Variants in TMEFF2 observed in about 807,000 individuals in gnomAD.
The protein encoded by TMEFF2 is tomoregulin-2.
TMEFF2 carries 28 observed loss-of-function variants against 53.8 expected under a neutral mutation model. That is an observed-to-expected ratio of 0.52 (90% CI 0.39 to 0.71). TMEFF2 has a LOEUF of 0.71. TMEFF2 is among the 30% of genes least tolerant of loss of function. The pLI, the probability that TMEFF2 is intolerant of heterozygous loss-of-function variation, is 0.00. For missense variants in TMEFF2, 353 were observed against 455.2 expected (o/e 0.78, Z 2.04); for synonymous variants, 162 against 166.3 (o/e 0.97, Z 0.20).
At position 192,024,933 on chromosome 2, in the gene TMEFF2, A is replaced by G. The variant is rs371531063; in HGVS notation, c.537-25725T>C. Among the ~76,000 whole-genome samples, 19 of 152,316 alleles carry G rather than the reference A, an allele frequency of 1.2e-4. 1 individual carries two copies. Among genetic ancestry groups the G allele is most frequent in the African/African-American group, 4.3e-4 (18 of 41,592 alleles). On this transcript the variant is annotated intron_variant, in intron 5 of 9. Transcript: ENST00000272771. ...TAATTTCCTATAACCACAGGGAGCC[A>G]GAGTTGGCTGGTTGGCCAGGAGAAA...
intron 4 of TMEFF2, among the ~76,000 whole-genome samples, chr2:192,156,622 C>T (rs1461783455): frequency 6.6e-6 from 1 of 151,986 alleles, no homozygotes; most frequent in Non-Finnish European, 1.5e-5. Flanking sequence ...CAGGGTATAT[C>T]ACCAGTAACA....
intron 4 of TMEFF2, chr2:192,178,032 AAG>A (rs1381430228): frequency 7.3e-5 from 11 of 151,036 alleles, no homozygotes; most frequent in Non-Finnish European, 1.3e-4. Context: ...CTTTAACAGA[AAG>A]AGAAATGAAG....
chr2:191,969,424 C>G (rs1692568803), intron 7 of TMEFF2, among the ~76,000 whole-genome samples: 1 of 151,994 alleles, frequency 6.6e-6, no homozygotes, highest in Non-Finnish European at 1.5e-5. Context: ...GCAGAGAAGT[C>G]TACTCAATAG....
intron 4 of TMEFF2, among the ~76,000 whole-genome samples, chr2:192,176,503 A>G (rs1691048414): frequency 6.6e-6 from 1 of 151,294 alleles, no homozygotes; most frequent in African/African-American, 2.4e-5. Flanking sequence ...TTACTCTACA[A>G]ATTTCCTTTA....
intron 4 of TMEFF2, among the ~76,000 whole-genome samples, chr2:192,066,653 A>G (rs1688175311): frequency 6.6e-6 from 1 of 151,844 alleles, no homozygotes; most frequent in Admixed American, 6.6e-5. Flanking sequence ...GGACAATTCT[A>G]TTATCATCTA....
At chr2:192,134,865 T>G (rs549864116) in intron 4 of TMEFF2, among the ~76,000 whole-genome samples, 4 of 152,274 alleles carry the variant, frequency 2.6e-5, no homozygotes, top group East Asian at 1.9e-4. Context: ...CAGCCAAGCA[T>G]TTTTTCAGGC....
chr2:192,033,559 C>T (rs1325493529), intron 5 of TMEFF2, among the ~76,000 whole-genome samples: 2 of 142,482 alleles, frequency 1.4e-5, no homozygotes, highest in African/African-American at 2.6e-5. Context: ...CCTGTGCTCT[C>T]TCAAAATACC....
intron 4 of TMEFF2, among the ~76,000 whole-genome samples, chr2:192,133,234 T>C (rs1689902556): frequency 6.6e-6 from 1 of 152,154 alleles, no homozygotes; most frequent in Admixed American, 6.6e-5. Context: ...TACAGCTGCA[T>C]CTCATTGCCG....
intron 4 of TMEFF2, among the ~76,000 whole-genome samples, chr2:192,107,863 T>G (rs1689186017): frequency 6.6e-6 from 1 of 151,710 alleles, no homozygotes. Flanking sequence ...AAATGGGAAA[T>G]TAAAAGGTCA....
At chr2:192,107,655 T>C (rs767179065) in intron 4 of TMEFF2, among the ~76,000 whole-genome samples, 40 of 151,900 alleles carry the variant, frequency 2.6e-4, no homozygotes, top group Non-Finnish European at 4.9e-4. Context: ...GGAAAATGTA[T>C]ATGCATTCAC....
At chr2:192,054,584 C>T (rs1687856765) in intron 5 of TMEFF2, among the ~76,000 whole-genome samples, 1 of 152,134 alleles carries the variant, frequency 6.6e-6, no homozygotes, top group Admixed American at 6.6e-5. Flanking sequence ...TAACCCCCTG[C>T]TTGCCTGGAT....
intron 5 of TMEFF2, among the ~76,000 whole-genome samples, chr2:192,045,479 T>C (rs1342504759): frequency 6.6e-6 from 1 of 152,126 alleles, no homozygotes; most frequent in Non-Finnish European, 1.5e-5. Flanking sequence ...ATGTAAATAT[T>C]TACAAAAGGA....
chr2:192,069,091 T>C (rs1212959358), intron 4 of TMEFF2, among the ~76,000 whole-genome samples: 1 of 151,662 alleles, frequency 6.6e-6, no homozygotes, highest in Non-Finnish European at 1.5e-5. Flanking sequence ...ATACCTTCCT[T>C]GACCCCCTAC....
At chr2:191,996,897 A>G (rs751730538) in intron 7 of TMEFF2, among the ~76,000 whole-genome samples, 1 of 151,920 alleles carries the variant, frequency 6.6e-6, no homozygotes, top group Non-Finnish European at 1.5e-5. Context: ...GGCTTGAATG[A>G]TGAGTACTTG....
At chr2:191,998,216 C>CTT (rs1686269945) in intron 7 of TMEFF2, 46 bp downstream of exon 7, 1 of 1,456,918 alleles carries the variant, frequency 6.9e-7, no homozygotes, top group Non-Finnish European at 9.4e-7. Flanking sequence ...CCAGGACTCT[C>CTT]TTTTAATAGA....
At position 191,991,047 on chromosome 2, in the gene TMEFF2, T is replaced by C. The variant is rs575797619; in HGVS notation, c.745+7215A>G. On this transcript the variant is annotated intron_variant, in intron 7 of 9. Transcript: ENST00000272771. The stretch of plus-strand genomic sequence containing the variant: ...TGAATTTCATGTTGTAATAATCTCA[T>C]GATCATATTATATTTTATGTGATCT... 3.9e-4 allele frequency among the ~76,000 whole-genome samples: 59 copies of C among 152,252 alleles called. 1 individual carries two copies. The South Asian group carries it at 6.0e-3, about 15-fold the overall frequency.
intron 4 of TMEFF2, among the ~76,000 whole-genome samples, chr2:192,113,782 T>C (rs1689337653): frequency 6.6e-6 from 1 of 152,102 alleles, no homozygotes; most frequent in South Asian, 2.1e-4. Context: ...TAGCTAACAG[T>C]TGCTGGGTAC....
intron 7 of TMEFF2, among the ~76,000 whole-genome samples, chr2:191,970,000 A>G (rs1257790446): frequency 6.6e-6 from 1 of 152,204 alleles, no homozygotes; most frequent in Non-Finnish European, 1.5e-5. Context: ...GAATTTAACA[A>G]CTTTTGGTAT....
intron 4 of TMEFF2, among the ~76,000 whole-genome samples, chr2:192,156,084 G>A (rs1690500636): frequency 6.6e-6 from 1 of 151,488 alleles, no homozygotes; most frequent in African/African-American, 2.4e-5. Flanking sequence ...ACAAATATAT[G>A]TTGGGCACTT....
Sources: allele counts gnomAD v4.1 joint callset (sites outside exome capture counted in the v4.1 genomes callset), GRCh38; gene constraint gnomAD v4.1.1; transcripts MANE v1.5; gene names NCBI Gene and HGNC (gene_info 2026-07-23, HGNC 2026-07-21).